Variants in RPSA2 observed in about 807,000 individuals in gnomAD.
RPSA2 encodes the protein small ribosomal subunit protein uS2B.
At chr19:23,846,138 A>G in the RPSA2 span, among the ~76,000 whole-genome samples, 1 of 152,172 alleles carries the variant, frequency 6.6e-6, no homozygotes, top group Non-Finnish European at 1.5e-5. Context: ...TAAGACAGAT[A>G]CTGCTGTCTG....
the RPSA2 span, among the ~76,000 whole-genome samples, chr19:23,838,660 A>T: frequency 6.6e-6 from 1 of 151,992 alleles, no homozygotes; most frequent in Non-Finnish European, 1.5e-5. Flanking sequence ...TTTTCCAGGA[A>T]TTTATCCATC....
At chr19:23,758,721 C>T in the RPSA2 span, 1 of 1,614,196 alleles carries the variant, frequency 6.2e-7, no homozygotes, top group Non-Finnish European at 8.5e-7. Flanking sequence ...TCCCCTCTCT[C>T]GGGATGTCGG....
chr19:23,807,598 A>C, the RPSA2 span, among the ~76,000 whole-genome samples: 1 of 152,148 alleles, frequency 6.6e-6, no homozygotes, highest in South Asian at 2.1e-4. Flanking sequence ...TCATCCAGAC[A>C]AGTATCATAT....
chr19:23,804,294 CTTTTTCT>C, the RPSA2 span, among the ~76,000 whole-genome samples: 3 of 142,508 alleles, frequency 2.1e-5, no homozygotes, highest in Admixed American at 7.0e-5. Flanking sequence ...CCTCATTTTT[CTTTTTCT>C]TTTTTTTCTT....
the RPSA2 span, among the ~76,000 whole-genome samples, chr19:23,861,299 C>T: frequency 2.0e-5 from 3 of 152,140 alleles, no homozygotes; most frequent in African/African-American, 4.8e-5. Context: ...CAAATCTCTT[C>T]AAAAGTAGGT....
the RPSA2 span, among the ~76,000 whole-genome samples, chr19:23,824,576 A>ATTTTTTTTTTTT: frequency 4.6e-5 from 1 of 21,822 alleles, no homozygotes; most frequent in African/African-American, 1.8e-4. Context: ...TCATTATAGC[A>ATTTTTTTTTTTT]TTTCTTTTTT....
At chr19:23,798,333 A>G in the RPSA2 span, among the ~76,000 whole-genome samples, 1 of 152,328 alleles carries the variant, frequency 6.6e-6, no homozygotes, top group East Asian at 1.9e-4. Context: ...AAGTACTTAC[A>G]CTACAAAAGC....
chr19:23,774,234 CT>C, the RPSA2 span, among the ~76,000 whole-genome samples: 1 of 152,198 alleles, frequency 6.6e-6, no homozygotes, highest in African/African-American at 2.4e-5. Context: ...TGACTGTCCC[CT>C]GACCACATAA....
the RPSA2 span, among the ~76,000 whole-genome samples, chr19:23,864,227 G>A: frequency 6.6e-6 from 1 of 152,188 alleles, no homozygotes; most frequent in Non-Finnish European, 1.5e-5. Context: ...ACAACGCATG[G>A]CCTGCCTTAC....
chr19:23,758,887 G>C, the RPSA2 span: 50 of 1,213,766 alleles, frequency 4.1e-5, no homozygotes, highest in Non-Finnish European at 5.5e-5. Context: ...GCTGAAGGGA[G>C]AGACAAAGGC....
chr19:23,824,580 CTTTTTTTT>C, the RPSA2 span, among the ~76,000 whole-genome samples: 3 of 63,822 alleles, frequency 4.7e-5, no homozygotes, highest in African/African-American at 1.8e-4. Context: ...TATAGCATTT[CTTTTTTTT>C]TTTTTTTTTT....
At chr19:23,787,124 G>A in the RPSA2 span, among the ~76,000 whole-genome samples, 2 of 152,048 alleles carry the variant, frequency 1.3e-5, no homozygotes, top group Non-Finnish European at 2.9e-5. Flanking sequence ...CCTAGCTTAT[G>A]TGACTCTTCT....
At chr19:23,759,031 A>G in the RPSA2 span, 1 of 544,384 alleles carries the variant, frequency 1.8e-6, no homozygotes, top group East Asian at 3.1e-5. Flanking sequence ...ATGTGATCAG[A>G]TGCTCTGCTG....
the RPSA2 span, among the ~76,000 whole-genome samples, chr19:23,834,158 A>G: frequency 6.6e-6 from 1 of 152,068 alleles, no homozygotes; most frequent in Non-Finnish European, 1.5e-5. Flanking sequence ...AAAAAATAAT[A>G]CAAAACTATA....
the RPSA2 span, among the ~76,000 whole-genome samples, chr19:23,768,928 C>T: frequency 2.6e-5 from 4 of 152,046 alleles, no homozygotes; most frequent in Admixed American, 2.0e-4. Context: ...CTTACCTGAA[C>T]GTTGCCCAAA....
the RPSA2 span, chr19:23,827,245 C>G: frequency 2.6e-6 from 2 of 772,264 alleles, no homozygotes; most frequent in East Asian, 2.6e-5. Flanking sequence ...TAGGTGGCAC[C>G]AATCTTGACT....
chr19:23,817,491 CATT>C, the RPSA2 span: 25 of 152,130 alleles, frequency 1.6e-4, no homozygotes, highest in Admixed American at 1.3e-4. Flanking sequence ...TTTTATGCAT[CATT>C]ATTATGATAG....
the RPSA2 span, among the ~76,000 whole-genome samples, chr19:23,786,286 C>T: frequency 6.6e-6 from 1 of 152,212 alleles, no homozygotes; most frequent in East Asian, 1.9e-4. Flanking sequence ...GGGACCTGTG[C>T]GGGATTGTTA....
At chr19:23,827,327 G>A in the RPSA2 span, 1 of 1,583,086 alleles carries the variant, frequency 6.3e-7, no homozygotes, top group Non-Finnish European at 8.6e-7. Flanking sequence ...GAGGACCTGG[G>A]AGAAGCTTCT....
Sources: allele counts gnomAD v4.1 joint callset (sites outside exome capture counted in the v4.1 genomes callset), GRCh38; gene constraint gnomAD v4.1.1; transcripts MANE v1.5; gene names NCBI Gene and HGNC (gene_info 2026-07-23, HGNC 2026-07-21).